LOC128125817: variants seen among roughly 807,000 people sequenced by gnomAD.
the LOC128125817 span, among the ~76,000 whole-genome samples, chr1:41,612,156 C>G: frequency 2.0e-5 from 3 of 152,260 alleles, no homozygotes; most frequent in South Asian, 6.2e-4. Flanking sequence ...AAGCCCCTCC[C>G]TTGGCCTGCT....
the LOC128125817 span, among the ~76,000 whole-genome samples, chr1:41,610,253 C>T: frequency 5.3e-5 from 8 of 152,216 alleles, no homozygotes; most frequent in African/African-American, 1.7e-4. Flanking sequence ...AATCCTTCAG[C>T]GAGCTTTCTA....
the LOC128125817 span, among the ~76,000 whole-genome samples, chr1:41,607,936 C>T: frequency 6.6e-6 from 1 of 152,096 alleles, no homozygotes. Context: ...TCAGTGGGAA[C>T]GATAAAGGGG....
chr1:41,589,313 G>A, the LOC128125817 span, among the ~76,000 whole-genome samples: 1 of 152,182 alleles, frequency 6.6e-6, no homozygotes, highest in Non-Finnish European at 1.5e-5. Flanking sequence ...TTATAACCCT[G>A]AGGGGAACCT....
At chr1:41,619,686 T>C in the LOC128125817 span, among the ~76,000 whole-genome samples, 5 of 152,026 alleles carry the variant, frequency 3.3e-5, no homozygotes, top group African/African-American at 4.8e-5. Context: ...TTTGGTGGCA[T>C]ATGTAGGCTC....
At chr1:41,621,035 C>T in the LOC128125817 span, among the ~76,000 whole-genome samples, 7 of 152,226 alleles carry the variant, frequency 4.6e-5, no homozygotes, top group Non-Finnish European at 8.8e-5. Flanking sequence ...GGGCAAGTCA[C>T]TTGCCACGTT....
the LOC128125817 span, among the ~76,000 whole-genome samples, chr1:41,589,237 A>G: frequency 6.6e-6 from 1 of 152,172 alleles, no homozygotes; most frequent in East Asian, 1.9e-4. Flanking sequence ...AAGAGGATGG[A>G]CAGCCTCTAC....
chr1:41,595,095 T>C, the LOC128125817 span, among the ~76,000 whole-genome samples: 1 of 152,242 alleles, frequency 6.6e-6, no homozygotes, highest in Non-Finnish European at 1.5e-5. Context: ...CCAGAATCTA[T>C]ATTTTTGCTA....
chr1:41,592,953 C>T, the LOC128125817 span, among the ~76,000 whole-genome samples: 1 of 152,158 alleles, frequency 6.6e-6, no homozygotes, highest in South Asian at 2.1e-4. Flanking sequence ...CCTGCTGACC[C>T]TCTCTTGGGC....
chr1:41,619,454 A>ATG, the LOC128125817 span, among the ~76,000 whole-genome samples: 6 of 152,306 alleles, frequency 3.9e-5, no homozygotes, highest in East Asian at 1.9e-4. Flanking sequence ...GAGAGTGTGC[A>ATG]TGTGTGTGTA....
At chr1:41,628,710 G>A in the LOC128125817 span, 15 of 1,215,554 alleles carry the variant, frequency 1.2e-5, no homozygotes, top group South Asian at 4.2e-5. Context: ...CCAACATGGC[G>A]CCTGGCAAGC....
At chr1:41,604,808 T>C in the LOC128125817 span, among the ~76,000 whole-genome samples, 1 of 152,204 alleles carries the variant, frequency 6.6e-6, no homozygotes, top group Non-Finnish European at 1.5e-5. Flanking sequence ...CTTATGGTAT[T>C]AGAAAATAGG....
chr1:41,615,452 T>C, the LOC128125817 span, among the ~76,000 whole-genome samples: 3 of 151,956 alleles, frequency 2.0e-5, no homozygotes, highest in East Asian at 5.8e-4. Flanking sequence ...TTAAGTGGGG[T>C]CTAAAGTCCA....
At chr1:41,622,392 TG>T in the LOC128125817 span, among the ~76,000 whole-genome samples, 1 of 150,340 alleles carries the variant, frequency 6.7e-6, no homozygotes, top group Admixed American at 6.6e-5. Flanking sequence ...AGAGCAGGGG[TG>T]GGGGAGGAAG....
the LOC128125817 span, among the ~76,000 whole-genome samples, chr1:41,614,969 C>G: frequency 6.6e-6 from 1 of 152,196 alleles, no homozygotes; most frequent in East Asian, 1.9e-4. Flanking sequence ...ACATCCAGCT[C>G]TGAGCTAGGC....
the LOC128125817 span, among the ~76,000 whole-genome samples, chr1:41,597,776 T>A: frequency 6.6e-6 from 1 of 152,174 alleles, no homozygotes; most frequent in Non-Finnish European, 1.5e-5. Flanking sequence ...CTTGTTAACC[T>A]TTTTTTACCT....
the LOC128125817 span, among the ~76,000 whole-genome samples, chr1:41,621,224 C>A: frequency 2.0e-5 from 3 of 152,248 alleles, no homozygotes; most frequent in Admixed American, 6.5e-5. Context: ...ACGGCCTTGA[C>A]CCCCTTCAGC....
the LOC128125817 span, among the ~76,000 whole-genome samples, chr1:41,589,321 C>A: frequency 6.6e-6 from 1 of 152,206 alleles, no homozygotes; most frequent in African/African-American, 2.4e-5. Context: ...CTGAGGGGAA[C>A]CTGAGCTTCA....
the LOC128125817 span, among the ~76,000 whole-genome samples, chr1:41,599,982 A>T: frequency 6.6e-6 from 1 of 152,186 alleles, no homozygotes; most frequent in African/African-American, 2.4e-5. Context: ...ACCATTACCA[A>T]TTACTAGGGA....
the LOC128125817 span, among the ~76,000 whole-genome samples, chr1:41,593,285 C>T: frequency 2.0e-5 from 3 of 152,156 alleles, no homozygotes; most frequent in Non-Finnish European, 4.4e-5. Context: ...TTCCCGACGT[C>T]CTAATGTATT....
Sources: gnomAD v4.1 joint callset for allele counts (sites outside exome capture counted in the v4.1 genomes callset) on GRCh38, gnomAD v4.1.1 for gene constraint, MANE v1.5 for transcripts.